The following ACVR2A variants were observed in gnomAD, a reference collection of about 807,000 sequenced individuals.
ACVR2A encodes activin receptor type-2A.
A neutral mutation model predicts 61.4 loss-of-function variants in ACVR2A; 7 were observed. The ratio of observed to expected loss-of-function variants is 0.11; its 90% CI spans 0.06 to 0.21. The LOEUF (loss-of-function observed/expected upper bound fraction) is 0.21, where lower values mean the gene tolerates loss of function less well. ACVR2A is among the 10% of genes least tolerant of loss of function. The pLI, the probability that ACVR2A is intolerant of heterozygous loss-of-function variation, is 1.00. For missense variants in ACVR2A, 322 were observed against 621.7 expected (o/e 0.52, Z 5.13); for synonymous variants, 193 against 208.3 (o/e 0.93, Z 0.63).
chr2:147,892,574 A>C (rs1396958639), intron 1 of ACVR2A, among the ~76,000 whole-genome samples: 1 of 151,504 alleles, frequency 6.6e-6, no homozygotes, highest in African/African-American at 2.4e-5. Flanking sequence ...AACTTATTTA[A>C]AATAGCAATA....
At chr2:147,844,961 G>T (rs529495576), upstream of ACVR2A, 141 of 404,702 alleles carry the variant, frequency 3.5e-4, 1 homozygote, top group East Asian at 4.5e-3. Context: ...TTTTATCGTT[G>T]TGCTCTTTTT....
intron 1 of ACVR2A, among the ~76,000 whole-genome samples, chr2:147,889,722 G>A (rs545357851): frequency 6.6e-6 from 1 of 152,122 alleles, no homozygotes; most frequent in African/African-American, 2.4e-5. Context: ...ACTCCAGCCT[G>A]GGCGACAGAG....
Position 147,925,882 on chromosome 2 carries a change from G to A in ACVR2A, c.1217-149G>A, listed in dbSNP as rs1687489565. The A allele has an allele frequency of 4.0e-6, 3 of 741,778 alleles. No individual in the cohort carries two copies. In the South Asian group the frequency reaches 6.2e-5, roughly 15 times the overall value. The allele number at this position is 741,778 out of a possible 1,614,324, so 45.9% of individuals were successfully genotyped here. Reference sequence around the variant, plus strand: ...TTAGTTTGGTCACACTGTGGTATAAGTACAGTTGAGAGTCTGTTTCTCTTC... The same window carrying A: ...TTAGTTTGGTCACACTGTGGTATAAATACAGTTGAGAGTCTGTTTCTCTTC... On this transcript the variant is annotated intron_variant, in intron 9 of 10. Transcript: ENST00000241416.
chr2:147,868,196 T>TC (rs778054516), intron 1 of ACVR2A, among the ~76,000 whole-genome samples: 1 of 152,196 alleles, frequency 6.6e-6, no homozygotes, highest in Non-Finnish European at 1.5e-5. Context: ...GTGGCATTTG[T>TC]CTGGACCTTG....
chr2:147,851,306 G>T (rs1437638051), intron 1 of ACVR2A, among the ~76,000 whole-genome samples: 1 of 152,046 alleles, frequency 6.6e-6, no homozygotes, highest in East Asian at 1.9e-4. Flanking sequence ...TCTGGATATA[G>T]ACCTAATTGG....
chr2:147,925,906 T>C (rs1009685591), intron 9 of ACVR2A, 125 bp from the exon 10 acceptor site: 3 of 938,932 alleles, frequency 3.2e-6, no homozygotes, highest in South Asian at 3.5e-5. Context: ...CTGTTTCTCT[T>C]CTGTCCTCAT....
intron 1 of ACVR2A, among the ~76,000 whole-genome samples, chr2:147,853,773 ATTAAC>A (rs1411425056): frequency 1.3e-5 from 2 of 152,102 alleles, no homozygotes; most frequent in Non-Finnish European, 2.9e-5. Flanking sequence ...AGTTATGATT[ATTAAC>A]TTTAAAATTT....
intron 2 of ACVR2A, chr2:147,896,967 CT>C (rs1255054335): frequency 3.6e-4 from 40 of 109,652 alleles, no homozygotes; most frequent in South Asian, 1.0e-3. Context: ...CCCCCCGCCC[CT>C]TTTTTTTTTC....
At chr2:147,867,171 G>A (rs1685877718) in intron 1 of ACVR2A, among the ~76,000 whole-genome samples, 1 of 152,176 alleles carries the variant, frequency 6.6e-6, no homozygotes, top group Non-Finnish European at 1.5e-5. Context: ...TTTTGGTAAA[G>A]TGGTGGAGAC....
At chr2:147,867,768 C>T (rs908077238) in intron 1 of ACVR2A, among the ~76,000 whole-genome samples, 1 of 152,136 alleles carries the variant, frequency 6.6e-6, no homozygotes, top group Non-Finnish European at 1.5e-5. Context: ...GAAAGTCAAG[C>T]TTTTTAACAA....
At chr2:147,889,868 A>G (rs747268346) in intron 1 of ACVR2A, among the ~76,000 whole-genome samples, 5 of 151,896 alleles carry the variant, frequency 3.3e-5, no homozygotes, top group Non-Finnish European at 7.4e-5. Flanking sequence ...CTAGTCAGTA[A>G]ACCATAAGCA....
chr2:147,858,563 T>C (rs1457005412), intron 1 of ACVR2A, among the ~76,000 whole-genome samples: 2 of 152,204 alleles, frequency 1.3e-5, no homozygotes, highest in Non-Finnish European at 2.9e-5. Context: ...CTTGTTTGTC[T>C]TCCATTAATA....
intron 1 of ACVR2A, among the ~76,000 whole-genome samples, chr2:147,873,396 G>GT (rs1316958067): frequency 7.2e-5 from 11 of 151,838 alleles, no homozygotes; most frequent in African/African-American, 1.9e-4. Flanking sequence ...ATTAATGTGG[G>GT]TTTTTTTGGT....
chr2:147,915,481 C>T (rs1189150194), intron 5 of ACVR2A, 147 bp downstream of exon 5: 2 of 802,244 alleles, frequency 2.5e-6, no homozygotes, highest in Non-Finnish European at 3.9e-6. Flanking sequence ...TAATGCCTGC[C>T]TTTGCATCTG....
chr2:147,880,098 T>C (rs1024388917), intron 1 of ACVR2A, among the ~76,000 whole-genome samples: 1 of 152,202 alleles, frequency 6.6e-6, no homozygotes, highest in African/African-American at 2.4e-5. Context: ...TGAATTCCTT[T>C]ATAGAGGGTT....
chr2:147,849,512 C>T (rs964335702), intron 1 of ACVR2A, among the ~76,000 whole-genome samples: 9 of 151,972 alleles, frequency 5.9e-5, no homozygotes, highest in Admixed American at 3.9e-4. Flanking sequence ...TTTTGGTTAC[C>T]GTTAGACTAA....
At chr2:147,914,879 C>T (rs938707099) in intron 4 of ACVR2A, among the ~76,000 whole-genome samples, 6 of 151,872 alleles carry the variant, frequency 4.0e-5, no homozygotes, top group Non-Finnish European at 7.4e-5. Context: ...AGGAGTATTT[C>T]GTAGTTCACA....
chr2:147,860,100 C>T (rs967401710), intron 1 of ACVR2A, among the ~76,000 whole-genome samples: 2 of 152,060 alleles, frequency 1.3e-5, no homozygotes, highest in Non-Finnish European at 2.9e-5. Context: ...GAAAGGATGA[C>T]GTAGTATGTA....
At chr2:147,905,777 T>C (rs975972661) in intron 4 of ACVR2A, among the ~76,000 whole-genome samples, 2 of 152,114 alleles carry the variant, frequency 1.3e-5, no homozygotes, top group African/African-American at 4.8e-5. Context: ...GCATATATAA[T>C]TTATTCCACT....
Sources: gnomAD v4.1 joint callset for allele counts (sites outside exome capture counted in the v4.1 genomes callset) on GRCh38, gnomAD v4.1.1 for gene constraint, MANE v1.5 for transcripts, NCBI Gene and HGNC (gene_info 2026-07-23, HGNC 2026-07-21) for gene names.